The following GRXCR2 variants were observed in gnomAD, a reference collection of about 807,000 sequenced individuals.
The protein encoded by GRXCR2 is glutaredoxin and cysteine rich domain containing 2.
Under a neutral mutation model 24.8 loss-of-function variants are expected in GRXCR2, and 23 were observed. That is an observed-to-expected ratio of 0.93 (90% CI 0.67 to 1.32). The LOEUF is 1.32. Ranked by LOEUF, GRXCR2 falls within the 40% of genes most tolerant of loss-of-function variation. The probability of loss-of-function intolerance (pLI) is 0.00; values close to 1 mark genes in which losing one functional copy is unlikely to be tolerated. For synonymous variants in GRXCR2, 130 were observed against 116.1 expected (o/e 1.12, Z -0.77); for missense variants, 315 against 303.4 (o/e 1.04, Z -0.28).
upstream of GRXCR2, among the ~76,000 whole-genome samples, chr5:145,874,384 A>T (rs911987831): frequency 9.2e-5 from 14 of 151,758 alleles, no homozygotes; most frequent in African/African-American, 2.7e-4. Context: ...TTGTATTTTT[A>T]GTAGAGATGG....
intron 2 of GRXCR2, among the ~76,000 whole-genome samples, chr5:145,903,186 C>T (rs1254664137): frequency 1.3e-5 from 2 of 152,252 alleles, no homozygotes; most frequent in South Asian, 2.1e-4. Flanking sequence ...GGGTAACGTG[C>T]TTAACCTCTC....
intron 2 of GRXCR2, among the ~76,000 whole-genome samples, chr5:145,925,212 C>T (rs2149929807): frequency 6.6e-6 from 1 of 152,206 alleles, no homozygotes; most frequent in East Asian, 1.9e-4. Context: ...TAAGATGGCA[C>T]CAGCCATCTG....
At position 145,925,028 on chromosome 5, in the gene GRXCR2, T is replaced by C. The variant is rs1266934636; in HGVS notation, c.-70+10673A>G. Among the ~76,000 whole-genome samples the C allele has an allele frequency of 9.2e-5, 14 of 152,260 alleles. No individual in the cohort carries two copies. The East Asian group carries it at 2.3e-3, about 25-fold the overall frequency. On this transcript the variant is annotated intron_variant, in intron 2 of 3. Transcript: ENST00000639411. ...CCTGATAAGGAGAAAATGGCTAACC[T>C]TTACTGAGCACTTACTCCTGTCACA...
At chr5:145,899,736 C>G (rs1757000469) in intron 2 of GRXCR2, among the ~76,000 whole-genome samples, 2 of 152,184 alleles carry the variant, frequency 1.3e-5, no homozygotes, top group South Asian at 2.1e-4. Flanking sequence ...TGGACCTTTA[C>G]CTTTTACCAT....
intron 2 of GRXCR2, among the ~76,000 whole-genome samples, chr5:145,865,678 C>T (rs1333971369): frequency 6.6e-6 from 1 of 152,160 alleles, no homozygotes. Flanking sequence ...CACATTGCAA[C>T]ATGTTGCAGT....
At chr5:145,896,915 A>C (rs867767770) in intron 2 of GRXCR2, among the ~76,000 whole-genome samples, 11 of 152,168 alleles carry the variant, frequency 7.2e-5, no homozygotes, top group Non-Finnish European at 2.9e-5. Context: ...CTGGATTAAG[A>C]AAATGTGGCA....
intron 2 of GRXCR2, among the ~76,000 whole-genome samples, chr5:145,890,912 A>C (rs2149918881): frequency 6.6e-6 from 1 of 152,300 alleles, no homozygotes; most frequent in East Asian, 1.9e-4. Context: ...ATAGGCTCAA[A>C]ATAAAGGGCT....
chr5:145,868,626 A>G lies in GRXCR2; in HGVS notation c.337-1898T>C, dbSNP rs116437306. On this transcript the variant is annotated intron_variant, in intron 1 of 2. Transcript: ENST00000377976. ...CCATTTCTACTTCCAGTAATAGCCA[A>G]TGAGGTTCAGTTACTAGGAAGCTTT... 5.5e-3 allele frequency among the ~76,000 whole-genome samples: 833 copies of G among 152,274 alleles called. 5 individuals are homozygous for G. Among genetic ancestry groups the G allele is most frequent in the African/African-American group, 0.019 (803 of 41,560 alleles).
At chr5:145,921,153 A>T in intron 2 of GRXCR2, among the ~76,000 whole-genome samples, 1 of 152,354 alleles carries the variant, frequency 6.6e-6, no homozygotes, top group African/African-American at 2.4e-5. Flanking sequence ...GAAATCACAT[A>T]TCAGGTAGGT....
At chr5:145,864,229 G>A (rs1389084817) in intron 2 of GRXCR2, among the ~76,000 whole-genome samples, 1 of 152,038 alleles carries the variant, frequency 6.6e-6, no homozygotes, top group African/African-American at 2.4e-5. Flanking sequence ...GAGGGGATTG[G>A]CCTCTGGTAG....
intron 2 of GRXCR2, among the ~76,000 whole-genome samples, chr5:145,860,706 C>A (rs887845454): frequency 2.0e-5 from 3 of 152,124 alleles, no homozygotes; most frequent in Non-Finnish European, 4.4e-5. Flanking sequence ...AGTTAATAGA[C>A]TAGGACTGAG....
intron 2 of GRXCR2, among the ~76,000 whole-genome samples, chr5:145,890,851 A>C (rs927674163): frequency 3.3e-5 from 5 of 151,612 alleles, no homozygotes; most frequent in Non-Finnish European, 7.4e-5. Flanking sequence ...AAAAAAAAAG[A>C]CTCATTGACC....
chr5:145,917,972 G>A (rs570819906), intron 2 of GRXCR2, among the ~76,000 whole-genome samples: 39 of 152,262 alleles, frequency 2.6e-4, no homozygotes, highest in African/African-American at 9.1e-4. Context: ...TAGAGACGGG[G>A]CTTCACCATG....
At chr5:145,869,297 C>G (rs928394287) in intron 1 of GRXCR2, among the ~76,000 whole-genome samples, 2 of 152,162 alleles carry the variant, frequency 1.3e-5, no homozygotes, top group African/African-American at 4.8e-5. Flanking sequence ...TGAAATTATG[C>G]AATATGTATA....
intron 2 of GRXCR2, among the ~76,000 whole-genome samples, chr5:145,927,907 C>G (rs1233868925): frequency 6.6e-6 from 1 of 152,154 alleles, no homozygotes; most frequent in Non-Finnish European, 1.5e-5. Flanking sequence ...CAAATGGGAT[C>G]TAACTAAACT....
chr5:145,930,879 G>A (rs967810211), intron 2 of GRXCR2, among the ~76,000 whole-genome samples: 1 of 152,178 alleles, frequency 6.6e-6, no homozygotes, highest in African/African-American at 2.4e-5. Context: ...AATGAAGTAG[G>A]TGCTACTAGC....
chr5:145,902,316 T>C (rs1354741923), intron 2 of GRXCR2, among the ~76,000 whole-genome samples: 2 of 152,190 alleles, frequency 1.3e-5, no homozygotes, highest in Non-Finnish European at 2.9e-5. Context: ...TTTTCCAGGC[T>C]GGTCTCAAAC....
intron 2 of GRXCR2, among the ~76,000 whole-genome samples, chr5:145,909,624 C>T (rs910681065): frequency 1.1e-4 from 17 of 152,296 alleles, no homozygotes; most frequent in African/African-American, 3.6e-4. Flanking sequence ...TGTCTCCTCT[C>T]GCCAGAATAT....
chr5:145,917,581 T>C (rs1295193732), intron 2 of GRXCR2, among the ~76,000 whole-genome samples: 2 of 152,132 alleles, frequency 1.3e-5, no homozygotes, highest in African/African-American at 4.8e-5. Flanking sequence ...GTTCACAGCC[T>C]GGAAGACAGT....
Sources: allele counts gnomAD v4.1 joint callset (sites outside exome capture counted in the v4.1 genomes callset), GRCh38; gene constraint gnomAD v4.1.1; transcripts MANE v1.5; gene names NCBI Gene and HGNC (gene_info 2026-07-23, HGNC 2026-07-21).